Variants in DST observed in about 807,000 individuals in gnomAD.
The protein encoded by DST is dystonin.
Under a neutral mutation model 875.2 loss-of-function variants are expected in DST, and 253 were observed. That is an observed-to-expected ratio of 0.29 (90% CI 0.26 to 0.32). The LOEUF (loss-of-function observed/expected upper bound fraction) is 0.32, where lower values mean the gene tolerates loss of function less well. Among genes scored for constraint, DST ranks in the 10% least tolerant of loss-of-function variants. The pLI is 1.00. For synonymous variants in DST, 3,124 were observed against 3,197.1 expected (o/e 0.98, Z 0.77); for missense variants, 8,287 against 9,111.6 (o/e 0.91, Z 3.68).
chr6:56,463,197 A>AT lies in DST; in HGVS notation c.22960-42dup, dbSNP rs760500918. On this transcript the variant is annotated intron_variant, in intron 101 of 103. Transcript: ENST00000680361. ...GCAAATCAAATGAAAAGGATAGCAG[A>AT]TAAAAAAAACAAAGCCACAGAAAGA... is the stretch of plus-strand genomic sequence containing the variant. The AT allele has an allele frequency of 3.2e-6, 4 of 1,250,736 alleles. No homozygotes were observed. In the South Asian group the frequency reaches 5.1e-5, roughly 16 times the overall value. 77.5% of individuals were successfully genotyped at this position (1,250,736 alleles called of 1,614,324 possible).
In DST at chr6:56,701,885, T is replaced by C. The variant is rs1292835599; in HGVS notation, c.954+3A>G. On this transcript the variant is annotated splice_donor_region_variant and intron_variant, in intron 8 of 103. Transcript: ENST00000680361. ...TGATTACAGTATTTTCAAAACATCA[T>C]ACCTGGCGTCTTTTCAAATAGTCAA... 6.3e-7 allele frequency: 1 copy of C among 1,579,532 alleles called. No individual in the cohort carries two copies. Among genetic ancestry groups the C allele is most frequent in the Non-Finnish European group, 8.7e-7 (1 of 1,150,268 alleles).
intron 5 of DST, among the ~76,000 whole-genome samples, chr6:56,727,615 T>G (rs1227786789): frequency 1.3e-5 from 2 of 152,208 alleles, no homozygotes; most frequent in East Asian, 3.8e-4. Flanking sequence ...TCTAAACTCT[T>G]GCCTAGTGTG....
rs201696158 is a variant in DST at position 56,600,082 on chromosome 6, T to G, written c.11681A>C (p.Gln3894Pro). ...GDGTVELKKYQSKQEELQKDM... is the reference protein window; with the variant it reads ...GDGTVELKKYPSKQEELQKDM... ...ACCAAATTCTACCTCTTGCTTGGAC[T>G]GATATTTCTTTAACTCAACTGTGCC... is the stretch of plus-strand genomic sequence containing the variant. The change falls in exon 45 of 104, where the codon CAG becomes CCG. Residue 3894 changes from glutamine (Q) to proline (P), a missense_variant. Coordinates refer to ENST00000680361, the MANE Select transcript of DST (RefSeq NM_001374736.1). 2.4e-4 allele frequency: 390 copies of G among 1,612,368 alleles called. 1 individual carries two copies. The highest frequency in any genetic ancestry group is 5.0e-4 in the Admixed American group (30 of 59,892).
Position 56,485,591 on chromosome 6 carries a change from A to G in DST, c.21048-120T>C, listed in dbSNP as rs1057155092. 3.1e-6 allele frequency: 3 copies of G among 954,446 alleles called. No individual in the cohort carries two copies. In the African/African-American group the frequency reaches 5.0e-5, roughly 16 times the overall value. The allele number at this position is 954,446 out of a possible 1,614,324, so 59.1% of individuals were successfully genotyped here. A position where few individuals can be genotyped will look rare whatever the true frequency, so the allele number is the denominator to read the frequency against. On this transcript the variant is annotated intron_variant, in intron 87 of 103. Transcript: ENST00000680361. ...TCAAGGGGAAGAGCAGTATGTTGGT[A>G]TTCATTGTTGTTTCTTTGCTCTTCT...
At chr6:56,869,590 G>GAA (rs777320715) in intron 3 of DST, among the ~76,000 whole-genome samples, 9 of 134,078 alleles carry the variant, frequency 6.7e-5, no homozygotes, top group Non-Finnish European at 8.0e-5. Flanking sequence ...GGACAGAGAA[G>GAA]AAAAAAAAAA....
In DST at chr6:56,692,251, C is replaced by T. The variant is rs1020804152; in HGVS notation, c.1047+7402G>A. 6 of 406,374 alleles carry T rather than the reference C, an allele frequency of 1.5e-5. No individual in the cohort carries two copies. In the East Asian group the frequency reaches 4.7e-4, roughly 32 times the overall value. The allele number at this position is 406,374 out of a possible 1,614,324, so 25.2% of individuals were successfully genotyped here. On this transcript the variant is annotated intron_variant, in intron 9 of 103. Transcript: ENST00000680361. ...TAACAATCAAACCTGAGGCTACTAA[C>T]AAAACGCAACAGAAACTCTATGGCT...
chr6:56,779,957 T>C, intron 4 of DST, among the ~76,000 whole-genome samples: 1 of 145,628 alleles, frequency 6.9e-6, no homozygotes, highest in East Asian at 2.1e-4. Flanking sequence ...TTCCCATCTA[T>C]GAGTGAGAAC....
intron 72 of DST, among the ~76,000 whole-genome samples, chr6:56,514,588 C>CAG (rs1278009991): frequency 8.8e-6 from 1 of 113,384 alleles, no homozygotes. Flanking sequence ...TACACACACA[C>CAG]ACACACACAC....
chr6:56,809,577 A>G (rs778692597), intron 4 of DST, among the ~76,000 whole-genome samples: 4 of 152,238 alleles, frequency 2.6e-5, no homozygotes, highest in Admixed American at 6.5e-5. Context: ...ACCTGAAAGA[A>G]AAAATGTAAA....
At chr6:56,519,160 A>C (rs1446205979) in intron 69 of DST, among the ~76,000 whole-genome samples, 1 of 152,076 alleles carries the variant, frequency 6.6e-6, no homozygotes, top group Non-Finnish European at 1.5e-5. Context: ...TCTAAGACTA[A>C]ATACTGGAAA....
Position 56,463,153 on chromosome 6 carries a change from G to A in DST, c.22963C>T (p.Leu7655Phe), listed in dbSNP as rs546355407. 41 of 1,586,482 alleles carry A rather than the reference G, an allele frequency of 2.6e-5. No homozygotes were observed. The highest frequency in any genetic ancestry group is 1.7e-4 in the Admixed American group (10 of 59,970). Residue 7655 changes from leucine to phenylalanine, a missense_variant, in exon 102 of 104, where the codon CTC (leucine) becomes TTC (phenylalanine). Transcript: ENST00000680361. ...QVPATTTPKI[L>F]HPLTRNYGKP... ...CCATAATTGCGTGTTAAAGGATGGA[G>A]AATCTGTATGGAACAATGGCAAATC...
intron 69 of DST, among the ~76,000 whole-genome samples, chr6:56,522,982 C>A (rs569277111): frequency 6.6e-6 from 1 of 152,040 alleles, no homozygotes; most frequent in Non-Finnish European, 1.5e-5. Flanking sequence ...TGCTACTCTG[C>A]GTAGGTTTAA....
chr6:56,496,103 A>C (rs1298896541), intron 82 of DST, among the ~76,000 whole-genome samples: 1 of 152,176 alleles, frequency 6.6e-6, no homozygotes, highest in East Asian at 1.9e-4. Flanking sequence ...ATATTTTAAA[A>C]AATTTCTGAT....
Position 56,602,969 on chromosome 6 carries a change from T to C in DST, c.11220A>G (p.Val3740=), listed in dbSNP as rs1292771928. ...LHKLKSFSDW[V]SEKSKSVKDI... ...CCTTCACAGATTTGCTCTTCTCTGA[T>C]ACCCAATCTGAGAATGACTTAAGTT... Residue 3740 remains valine (V), a synonymous_variant, in exon 43 of 104, where the codon GTA becomes GTG. Transcript: ENST00000680361. 1 of 1,596,772 alleles carries C rather than the reference T, an allele frequency of 6.3e-7. No individual in the cohort carries two copies. The highest frequency in any genetic ancestry group is 8.5e-7 in the Non-Finnish European group (1 of 1,174,940).
intron 24 of DST, 61 bp downstream of exon 24, chr6:56,635,528 A>G (rs2098816540): frequency 6.4e-7 from 1 of 1,554,986 alleles, no homozygotes; most frequent in Admixed American, 1.7e-5. Context: ...TTCTGCTCAT[A>G]TAAAACACTA....
At chr6:56,665,835 A>C (rs1422684725) in intron 10 of DST, among the ~76,000 whole-genome samples, 2 of 152,188 alleles carry the variant, frequency 1.3e-5, no homozygotes, top group East Asian at 3.8e-4. Context: ...CTAGAATCTA[A>C]AATAAAAGTT....
intron 69 of DST, among the ~76,000 whole-genome samples, chr6:56,518,824 T>C (rs1481225800): frequency 6.6e-6 from 1 of 152,194 alleles, no homozygotes; most frequent in Non-Finnish European, 1.5e-5. Flanking sequence ...CCAGATCTTC[T>C]AACTTTTCAA....
intron 2 of DST, among the ~76,000 whole-genome samples, chr6:56,943,066 A>G (rs1437396152): frequency 1.3e-5 from 2 of 151,960 alleles, no homozygotes; most frequent in Admixed American, 6.6e-5. Context: ...ATACCACCAC[A>G]TTTCTCAAAA....
Position 56,605,835 on chromosome 6 carries a change from T to C in DST, c.8793A>G (p.Glu2931=). 6.2e-7 allele frequency: 1 copy of C among 1,612,406 alleles called. No individual in the cohort carries two copies. The highest frequency in any genetic ancestry group is 1.1e-5 in the South Asian group (1 of 91,008). Residue 2931 remains glutamate, a synonymous_variant, in exon 40 of 104, where the codon GAA becomes GAG. Coordinates refer to ENST00000680361, the MANE Select transcript of DST (RefSeq NM_001374736.1). ...AAATACTTGCAGGGCCAAAAGTTTTTTCAGATTCAGTGTCTTTAATGATAG... is the reference window on the plus strand; with the variant it reads ...AAATACTTGCAGGGCCAAAAGTTTTCTCAGATTCAGTGTCTTTAATGATAG... ...LPPIIKDTES[E]KTFGPASISH...
Sources: allele counts gnomAD v4.1 joint callset (sites outside exome capture counted in the v4.1 genomes callset), GRCh38; gene constraint gnomAD v4.1.1; transcripts MANE v1.5; gene names NCBI Gene and HGNC (gene_info 2026-07-23, HGNC 2026-07-21).